The following TSPAN16 variants were observed in gnomAD, a reference collection of about 807,000 sequenced individuals.
TSPAN16 encodes tetraspanin 16.
In TSPAN16, 23 loss-of-function variants were observed where a neutral mutation model predicts 25.2. The ratio of observed to expected loss-of-function variants is 0.91; its 90% CI spans 0.66 to 1.29. The LOEUF (loss-of-function observed/expected upper bound fraction) is 1.29, where lower values mean the gene tolerates loss of function less well. Among genes scored for constraint, TSPAN16 ranks in the 50% most tolerant of loss-of-function variants. The probability of loss-of-function intolerance (pLI) is 0.00; values close to 1 mark genes in which losing one functional copy is unlikely to be tolerated. For missense variants in TSPAN16, 272 were observed against 299.9 expected, an observed-to-expected ratio of 0.91 and a Z score of 0.69; for synonymous variants, 123 against 124.4, an observed-to-expected ratio of 0.99 and a Z score of 0.08.
chr19:11,298,329 C>A lies in TSPAN16; in HGVS notation c.257C>A (p.Thr86Lys), dbSNP rs375132195. ...GGAGCGACTAAAGAGAGCAGAGGCACGCTCTTGTTTGTAAGTTGGATCTGC... is the reference window on the plus strand; with the variant it reads ...GGAGCGACTAAAGAGAGCAGAGGCAAGCTCTTGTTTGTAAGTTGGATCTGC... The part of the protein sequence containing the change: ...WYGATKESRG[T>K]LLFCILSMVI... The change falls in exon 2 of 7, where the codon ACG becomes AAG. Residue 86 changes from threonine to lysine, a missense_variant. By Grantham distance (78) the Thr-to-Lys change is moderately conservative. Coordinates refer to ENST00000590327, the MANE Select transcript of TSPAN16 (RefSeq NM_001282509.2). 32 of 1,613,790 alleles carry A rather than the reference C, an allele frequency of 2.0e-5. 1 individual carries two copies. Among genetic ancestry groups the A allele is most frequent in the Middle Eastern group, 3.4e-4 (2 of 5,876 alleles).
intron 6 of TSPAN16, among the ~76,000 whole-genome samples, chr19:11,315,260 A>AATAAT (rs1555705600): frequency 2.3e-5 from 3 of 130,598 alleles, no homozygotes; most frequent in African/African-American, 1.0e-4. Flanking sequence ...TAATAATAAT[A>AATAAT]ATAATAATAA....
At chr19:11,307,298 T>C (rs2080640199) in intron 5 of TSPAN16, among the ~76,000 whole-genome samples, 1 of 149,830 alleles carries the variant, frequency 6.7e-6, no homozygotes, top group African/African-American at 2.5e-5. Context: ...TTTTGTATTT[T>C]TACTAGAGAT....
At chr19:11,315,752 C>G in intron 6 of TSPAN16, 39 bp from the exon 7 acceptor site, 4 of 1,228,862 alleles carry the variant, frequency 3.3e-6, no homozygotes, top group Non-Finnish European at 2.0e-6. Flanking sequence ...TTGGAGGTCT[C>G]TAGCATTGGA....
chr19:11,310,472 G>A (rs919968554), intron 5 of TSPAN16, among the ~76,000 whole-genome samples: 4 of 149,248 alleles, frequency 2.7e-5, no homozygotes, highest in African/African-American at 4.9e-5. Flanking sequence ...CCAAGTTAGC[G>A]CCACTACACT....
At chr19:11,326,236 AG>A (rs934426703) in intron 6 of TSPAN16, among the ~76,000 whole-genome samples, 1 of 150,606 alleles carries the variant, frequency 6.6e-6, no homozygotes, top group Non-Finnish European at 1.5e-5. Flanking sequence ...AAAAAAATAG[AG>A]GGGCATGGTG....
At chr19:11,325,687 A>T in intron 6 of TSPAN16, 1 of 1,130,486 alleles carries the variant, frequency 8.8e-7, no homozygotes, top group Non-Finnish European at 1.3e-6. Context: ...TCTGCTCTTT[A>T]TCCTGCTGTG....
chr19:11,302,551 A>AAG (rs2080565022), intron 4 of TSPAN16, among the ~76,000 whole-genome samples: 1 of 134,468 alleles, frequency 7.4e-6, no homozygotes, highest in African/African-American at 2.9e-5. Context: ...AAAAAAAAAA[A>AAG]GGGATTTGCT....
chr19:11,325,286 T>A, intron 6 of TSPAN16: 1 of 696,234 alleles, frequency 1.4e-6, no homozygotes, highest in Non-Finnish European at 2.4e-6. Context: ...GGGGAGCAGT[T>A]GACAGGAGGG....
intron 6 of TSPAN16, among the ~76,000 whole-genome samples, chr19:11,326,493 G>C (rs2080813828): frequency 6.6e-6 from 1 of 152,224 alleles, no homozygotes; most frequent in African/African-American, 2.4e-5. Context: ...TACATGAAGA[G>C]TTCTGCTGCC....
At chr19:11,320,122 C>CTTTTTTTTTTTTTTTTTTTTTTTTTT (rs373015307), downstream of TSPAN16, among the ~76,000 whole-genome samples, 3 of 106,838 alleles carry the variant, frequency 2.8e-5, no homozygotes, top group African/African-American at 1.2e-4. Flanking sequence ...CCGGCCAGGA[C>CTTTTTTTTTTTTTTTTTTTTTTTTTT]TTTTTTTTTT....
At chr19:11,311,432 C>T (rs2080691357) in intron 5 of TSPAN16, among the ~76,000 whole-genome samples, 1 of 152,012 alleles carries the variant, frequency 6.6e-6, no homozygotes, top group Admixed American at 6.6e-5. Context: ...CCACGCCCAG[C>T]CTATTTATTT....
chr19:11,320,216 T>C (rs894250276), downstream of TSPAN16, among the ~76,000 whole-genome samples: 1 of 146,316 alleles, frequency 6.8e-6, no homozygotes, highest in Admixed American at 6.9e-5. Flanking sequence ...CTGCCCCACT[T>C]GTTCAAGCGA....
intron 6 of TSPAN16, among the ~76,000 whole-genome samples, chr19:11,314,422 G>A (rs1386370422): frequency 6.6e-6 from 1 of 152,114 alleles, no homozygotes; most frequent in African/African-American, 2.4e-5. Flanking sequence ...CATGCTTTCT[G>A]CACATTGACT....
rs756749145 is a variant in TSPAN16 at position 11,301,213 on chromosome 19, G to A, written c.355G>A (p.Ala119Thr). The A allele has an allele frequency of 5.0e-6, 8 of 1,613,850 alleles. No individual in the cohort carries two copies. The Admixed American group carries it at 1.3e-4, about 27-fold the overall frequency. ...LLFFPIVGDV[A>T]LEHTFVTLRK... The stretch of plus-strand genomic sequence containing the variant: ...TCCTCTCTGTGAGGTTGGAGATGTG[G>A]CCTTGGAACACACCTTCGTGACCCT... Residue 119 changes from alanine to threonine, a missense_variant, in exon 4 of 7, where the codon GCC (alanine) becomes ACC (threonine). Coordinates refer to ENST00000590327, the MANE Select transcript of TSPAN16 (RefSeq NM_001282509.2).
chr19:11,306,391 C>T (rs2080626417), intron 4 of TSPAN16, among the ~76,000 whole-genome samples: 2 of 151,728 alleles, frequency 1.3e-5, no homozygotes, highest in Admixed American at 6.6e-5. Context: ...GATGGGGTCT[C>T]ACCCTGTTGC....
At chr19:11,320,028 C>A (rs546585757), downstream of TSPAN16, among the ~76,000 whole-genome samples, 1 of 151,460 alleles carries the variant, frequency 6.6e-6, no homozygotes, top group East Asian at 2.0e-4. Context: ...CCGTGTTAGC[C>A]AGGATGATCT....
downstream of TSPAN16, among the ~76,000 whole-genome samples, chr19:11,317,238 G>A (rs1158111410): frequency 6.6e-6 from 1 of 152,110 alleles, no homozygotes; most frequent in African/African-American, 2.4e-5. Context: ...CCATAACACC[G>A]TTATCACATC....
chr19:11,319,634 CAAAA>C (rs979031743), downstream of TSPAN16, among the ~76,000 whole-genome samples: 26 of 150,766 alleles, frequency 1.7e-4, no homozygotes, highest in African/African-American at 6.1e-4. Context: ...AACAAAAAAA[CAAAA>C]AAAGGAGACA....
intron 4 of TSPAN16, among the ~76,000 whole-genome samples, chr19:11,302,712 T>A (rs1483397086): frequency 6.9e-6 from 1 of 144,228 alleles, no homozygotes; most frequent in Non-Finnish European, 1.5e-5. Flanking sequence ...CACACATACA[T>A]ATATATATTC....
Sources: allele counts gnomAD v4.1 joint callset (sites outside exome capture counted in the v4.1 genomes callset), GRCh38; gene constraint gnomAD v4.1.1; transcripts MANE v1.5; gene names NCBI Gene and HGNC (gene_info 2026-07-23, HGNC 2026-07-21).